The following ENY2 variants were observed in gnomAD, a reference collection of about 807,000 sequenced individuals.
The protein encoded by ENY2 is transcription and mRNA export factor ENY2.
A neutral mutation model predicts 15.9 loss-of-function variants in ENY2; 4 were observed. The observed-to-expected ratio is 0.25, with a 90% CI of 0.12 to 0.57. ENY2 has a LOEUF of 0.57. Ranked by LOEUF, ENY2 falls within the 20% of genes least tolerant of loss-of-function variation. ENY2 has a pLI of 0.91. For synonymous variants in ENY2, 48 were observed against 38.0 expected (o/e 1.26, Z -0.97); for missense variants, 54 against 117.2 (o/e 0.46, Z 2.49).
chr8:109,339,706 A>G (rs1201955517), intron 3 of ENY2: 1 of 244,728 alleles, frequency 4.1e-6, no homozygotes, highest in East Asian at 8.4e-5. Context: ...AGACTTATAG[A>G]AATTATCTCT....
intron 3 of ENY2, 72 bp from the exon 4 acceptor site, chr8:109,340,417 C>T (rs1816087522): frequency 1.3e-6 from 2 of 1,587,204 alleles, no homozygotes; most frequent in East Asian, 2.3e-5. Context: ...GATCTTAACC[C>T]TTCCTCTATG....
intron 2 of ENY2, 48 bp from the exon 3 acceptor site, chr8:109,339,272 C>T: frequency 1.3e-6 from 2 of 1,559,296 alleles, no homozygotes; most frequent in Non-Finnish European, 1.8e-6. Flanking sequence ...ACATTCCTGT[C>T]TAAGATGTTA....
chr8:109,339,428 T>G (rs1329679718), intron 3 of ENY2, 38 bp downstream of exon 3: 7 of 1,577,562 alleles, frequency 4.4e-6, no homozygotes, highest in Non-Finnish European at 6.1e-6. Context: ...TAATCCCATT[T>G]TTCTGATCAG....
Position 109,344,773 on chromosome 8 carries a change from A to G in ENY2, c.*1292A>G, listed in dbSNP as rs572928690. 6 of 152,250 alleles carry G rather than the reference A, an allele frequency of 3.9e-5. No individual in the cohort carries two copies. Among genetic ancestry groups the G allele is most frequent in the South Asian group, 2.1e-4 (1 of 4,820 alleles). The allele number at this position is 152,250 out of a possible 1,614,324, so 9.4% of individuals were successfully genotyped here. Reference sequence around the variant, plus strand: ...ATAGCAAGGCTGTAAATTATCCACTACGTGCCCTCGTAATTGTCTTAGTTC... The same window carrying G: ...ATAGCAAGGCTGTAAATTATCCACTGCGTGCCCTCGTAATTGTCTTAGTTC... On this transcript the variant is annotated 3_prime_UTR_variant, in exon 5 of 5. Coordinates refer to ENST00000521688, the MANE Select transcript of ENY2 (RefSeq NM_020189.6).
chr8:109,340,616 A>T (rs770698228), intron 4 of ENY2, 53 bp downstream of exon 4: 64 of 1,599,588 alleles, frequency 4.0e-5, no homozygotes, highest in Non-Finnish European at 4.9e-5. Flanking sequence ...TGATTTTTTT[A>T]AAATCTCTTG....
In ENY2 at chr8:109,345,126, G is replaced by A. The variant is rs1401254600; in HGVS notation, c.*1645G>A. Reference sequence around the variant, plus strand: ...TGCCCTTCAGAGTTCAGCTTTAGTTGCTAAAACATTCAGACATCCCTCTGA... The same window carrying A: ...TGCCCTTCAGAGTTCAGCTTTAGTTACTAAAACATTCAGACATCCCTCTGA... On this transcript the variant is annotated 3_prime_UTR_variant, in exon 5 of 5. Coordinates refer to ENST00000521688, the MANE Select transcript of ENY2 (RefSeq NM_020189.6). The A allele has an allele frequency of 2.0e-5, 3 of 152,122 alleles. No homozygotes were observed. The highest frequency in any genetic ancestry group is 4.4e-5 in the Non-Finnish European group (3 of 68,048). The allele number at this position is 152,122 out of a possible 1,614,324, so 9.4% of individuals were successfully genotyped here.
At chr8:109,339,489 AT>A in intron 3 of ENY2, 99 bp downstream of exon 3, 1 of 946,950 alleles carries the variant, frequency 1.1e-6, no homozygotes, top group South Asian at 1.6e-5. Context: ...TTCAAGCATG[AT>A]TTTAAACAAA....
intron 1 of ENY2, 31 bp downstream of exon 1, chr8:109,334,505 G>T (rs1259029375): frequency 1.2e-6 from 2 of 1,609,534 alleles, no homozygotes; most frequent in Admixed American, 1.7e-5. Flanking sequence ...TCAGGGCCGG[G>T]ACCCGGGCCC....
At chr8:109,339,557 C>G (rs968963384) in intron 3 of ENY2, 167 bp downstream of exon 3, 3 of 511,362 alleles carry the variant, frequency 5.9e-6, no homozygotes, top group Non-Finnish European at 1.0e-5. Context: ...ACCTAATTCC[C>G]AAATTTTTAG....
chr8:109,336,318 A>T, intron 2 of ENY2, 114 bp downstream of exon 2: 3 of 945,196 alleles, frequency 3.2e-6, no homozygotes, highest in South Asian at 1.7e-5. Flanking sequence ...TTGAGATTAT[A>T]AAAGTTTCTA....
chr8:109,345,634 A>G lies in ENY2; in HGVS notation c.*2153A>G, dbSNP rs944105235. ...AAAACAATCATAAATAGTACACAGG[A>G]AAGGTGAGAAATAGCGGATAGTTCT... On this transcript the variant is annotated 3_prime_UTR_variant, in exon 5 of 5. Coordinates refer to ENST00000521688, the MANE Select transcript of ENY2 (RefSeq NM_020189.6). 1.3e-5 allele frequency: 2 copies of G among 152,200 alleles called. No individual in the cohort carries two copies. Among genetic ancestry groups the G allele is most frequent in the Admixed American group, 1.3e-4 (2 of 15,282 alleles). 9.4% of individuals were successfully genotyped at this position (152,200 alleles called of 1,614,324 possible).
In ENY2 at chr8:109,345,803, T is replaced by C. The variant is rs1003870893; in HGVS notation, c.*2322T>C. On this transcript the variant is annotated 3_prime_UTR_variant, in exon 5 of 5. Transcript: ENST00000521688. ...AATAATTGAGAACATCACAGCAATT[T>C]AGAATACTAAAGAGCATAGCTTTAA... 7.2e-5 allele frequency: 11 copies of C among 152,184 alleles called. No individual in the cohort carries two copies. Among genetic ancestry groups the C allele is most frequent in the African/African-American group, 2.2e-4 (9 of 41,454 alleles). The allele number at this position is 152,184 out of a possible 1,614,324, so 9.4% of individuals were successfully genotyped here. A position where few individuals can be genotyped will look rare whatever the true frequency, so the allele number is the denominator to read the frequency against.
chr8:109,336,490 G>T, intron 2 of ENY2: 2 of 262,318 alleles, frequency 7.6e-6, no homozygotes, highest in Non-Finnish European at 7.3e-6. Context: ...AATGTTACCT[G>T]GGTTTTAACA....
In ENY2 at chr8:109,343,532, C is replaced by A. The variant is rs533041003; in HGVS notation, c.*51C>A. 1 of 1,514,288 alleles carries A rather than the reference C, an allele frequency of 6.6e-7. No homozygotes were observed. The allele number at this position is 1,514,288 out of a possible 1,614,324, so 93.8% of individuals were successfully genotyped here. A position where few individuals can be genotyped will look rare whatever the true frequency, so the allele number is the denominator to read the frequency against. On this transcript the variant is annotated 3_prime_UTR_variant, in exon 5 of 5. Coordinates refer to ENST00000521688, the MANE Select transcript of ENY2 (RefSeq NM_020189.6). ...GTTTTATTTCTGAAAGTAAAACTTGCCATAAATTAGAAAACAATTTCCCAA... is the reference window on the plus strand; with the variant it reads ...GTTTTATTTCTGAAAGTAAAACTTGACATAAATTAGAAAACAATTTCCCAA...
At chr8:109,338,776 C>A (rs913046318) in intron 2 of ENY2, 1 of 151,996 alleles carries the variant, frequency 6.6e-6, no homozygotes, top group African/African-American at 2.4e-5. Context: ...GTGGGGAGAA[C>A]AACGGTCTTA....
At chr8:109,334,761 A>G in intron 1 of ENY2, 1 of 504,374 alleles carries the variant, frequency 2.0e-6, no homozygotes, top group Non-Finnish European at 3.5e-6. Context: ...TGAGGCCTTT[A>G]AGAATTAAGT....
rs908488430 is a variant in ENY2 at position 109,345,160 on chromosome 8, C to T, written c.*1679C>T. The T allele has an allele frequency of 6.6e-6, 1 of 152,134 alleles. No individual in the cohort carries two copies. The highest frequency in any genetic ancestry group is 1.5e-5 in the Non-Finnish European group (1 of 68,038). 9.4% of individuals were successfully genotyped at this position (152,134 alleles called of 1,614,324 possible). On this transcript the variant is annotated 3_prime_UTR_variant, in exon 5 of 5. Transcript: ENST00000521688. ...TTCAGACATCCCTCTGACTTAGATCCCCCACTACTGTTTTTCTGTGAGAAG... is the reference window on the plus strand; with the variant it reads ...TTCAGACATCCCTCTGACTTAGATCTCCCACTACTGTTTTTCTGTGAGAAG...
At chr8:109,340,828 A>T (rs1816095642) in intron 4 of ENY2, 2 of 351,266 alleles carry the variant, frequency 5.7e-6, no homozygotes, top group South Asian at 4.2e-5. Flanking sequence ...AAAATACGGG[A>T]TTCTGCAGTG....
intron 1 of ENY2, chr8:109,335,314 CA>C (rs781321820): frequency 1.3e-5 from 2 of 151,400 alleles, no homozygotes; most frequent in African/African-American, 4.9e-5. Context: ...AAGAGTAAAG[CA>C]AAACACTTAG....
Sources: allele counts gnomAD v4.1 joint callset, GRCh38; gene constraint gnomAD v4.1.1; transcripts MANE v1.5; gene names NCBI Gene and HGNC (gene_info 2026-07-23, HGNC 2026-07-21).